Variants in SLX4IP observed in about 807,000 individuals in gnomAD.
The protein encoded by SLX4IP is SLX4 interacting protein, also known as protein SLX4IP.
In SLX4IP, 34 loss-of-function variants were observed where a neutral mutation model predicts 32.9. The observed-to-expected ratio is 1.03, with a 90% CI of 0.79 to 1.38. The LOEUF is 1.38. SLX4IP is among the 40% of genes most tolerant of loss of function. The pLI, the probability that SLX4IP is intolerant of heterozygous loss-of-function variation, is 0.00. For synonymous variants in SLX4IP, 172 were observed against 171.7 expected, an observed-to-expected ratio of 1.00 and a Z score of -0.01; for missense variants, 444 against 479.0, an observed-to-expected ratio of 0.93 and a Z score of 0.68.
In SLX4IP at chr20:10,598,506, C is replaced by T. The variant is rs769584342; in HGVS notation, c.239-169C>T. Among the ~76,000 whole-genome samples the T allele has an allele frequency of 2.6e-5, 4 of 152,350 alleles. No individual in the cohort carries two copies. The South Asian group carries it at 8.3e-4, about 32-fold the overall frequency. ...CTCGAACTCCTGACCTCAAGTGATCCGCCTGCCTCGGCCTCCCGAATTGTT... is the reference window on the plus strand; with the variant it reads ...CTCGAACTCCTGACCTCAAGTGATCTGCCTGCCTCGGCCTCCCGAATTGTT... On this transcript the variant is annotated intron_variant, in intron 4 of 7. Transcript: ENST00000334534.
chr20:10,497,743 G>A (rs1166523647), intron 2 of SLX4IP, among the ~76,000 whole-genome samples: 1 of 151,814 alleles, frequency 6.6e-6, no homozygotes, highest in Non-Finnish European at 1.5e-5. Context: ...TGACTTTGTT[G>A]GTCACTTTTC....
rs185033082 is a variant in SLX4IP, at chr20:10,520,339, T to C, written c.28-35892T>C. ...TACTGGGATTTCAGGCGTGAGCCAC[T>C]GCGCCCGGCCCTTGTGCCCATTTTT... On this transcript the variant is annotated intron_variant, in intron 2 of 7. Coordinates refer to ENST00000334534, the MANE Select transcript of SLX4IP (RefSeq NM_001009608.3). Among the ~76,000 whole-genome samples the C allele has an allele frequency of 1.4e-3, 208 of 152,332 alleles. 1 individual carries two copies. The highest frequency in any genetic ancestry group is 4.8e-3 in the African/African-American group (199 of 41,580).
chr20:10,490,420 C>T (rs2122395570), intron 2 of SLX4IP, among the ~76,000 whole-genome samples: 1 of 152,232 alleles, frequency 6.6e-6, no homozygotes, highest in East Asian at 1.9e-4. Flanking sequence ...CCTGTAACAT[C>T]TTTCTATAGT....
chr20:10,545,431 AAGAGT>A (rs1188649686), intron 2 of SLX4IP, among the ~76,000 whole-genome samples: 45 of 152,268 alleles, frequency 3.0e-4, no homozygotes, highest in Admixed American at 2.7e-3. Context: ...CCCGCTTTAA[AAGAGT>A]AAATGTGTAG....
rs1309762457 is a variant in SLX4IP, at chr20:10,622,518, G to A, written c.507-141G>A. ...TAAACATACACCTGTGGTGGGGAGTGTTTCCAGATTTGCTGGGGAAGCGAG... is the reference window on the plus strand; with the variant it reads ...TAAACATACACCTGTGGTGGGGAGTATTTCCAGATTTGCTGGGGAAGCGAG... On this transcript the variant is annotated intron_variant, in intron 7 of 7. Transcript: ENST00000334534. 6 of 1,191,542 alleles carry A rather than the reference G, an allele frequency of 5.0e-6. No homozygotes were observed. The African/African-American group carries it at 9.2e-5, about 18-fold the overall frequency. The allele number at this position is 1,191,542 out of a possible 1,614,324, so 73.8% of individuals were successfully genotyped here.
At chr20:10,586,188 CT>C (rs1362405982) in intron 4 of SLX4IP, among the ~76,000 whole-genome samples, 1 of 152,116 alleles carries the variant, frequency 6.6e-6, no homozygotes, top group East Asian at 1.9e-4. Flanking sequence ...TCCCACTTGA[CT>C]TTGTTAAAAG....
intron 2 of SLX4IP, among the ~76,000 whole-genome samples, chr20:10,512,727 G>A (rs1423142881): frequency 3.0e-5 from 3 of 99,226 alleles, no homozygotes; most frequent in Non-Finnish European, 4.1e-5. Flanking sequence ...TTTATATATA[G>A]TATATGTATT....
At chr20:10,593,659 C>T (rs771280850) in intron 4 of SLX4IP, among the ~76,000 whole-genome samples, 3 of 152,028 alleles carry the variant, frequency 2.0e-5, no homozygotes, top group African/African-American at 7.3e-5. Context: ...TCATCTGAGC[C>T]CAGGAGGTTG....
chr20:10,617,932 C>T (rs1483583099), intron 6 of SLX4IP, among the ~76,000 whole-genome samples: 1 of 152,116 alleles, frequency 6.6e-6, no homozygotes, highest in Non-Finnish European at 1.5e-5. Context: ...TGAACCACTG[C>T]GCCTGGCCCA....
At chr20:10,471,877 C>T (rs1162901408) in intron 2 of SLX4IP, among the ~76,000 whole-genome samples, 1 of 152,206 alleles carries the variant, frequency 6.6e-6, no homozygotes, top group East Asian at 1.9e-4. Context: ...CAAGGTGTCT[C>T]ATCACTCAGT....
chr20:10,545,231 C>G (rs1378978944), intron 2 of SLX4IP, among the ~76,000 whole-genome samples: 1 of 152,104 alleles, frequency 6.6e-6, no homozygotes, highest in Non-Finnish European at 1.5e-5. Flanking sequence ...GTAAGTGTGG[C>G]CAAGGGTACA....
At chr20:10,532,348 C>T (rs1468447912) in intron 2 of SLX4IP, among the ~76,000 whole-genome samples, 3 of 151,916 alleles carry the variant, frequency 2.0e-5, no homozygotes, top group African/African-American at 7.3e-5. Context: ...CATAAATATA[C>T]ACAATTATTT....
intron 1 of SLX4IP, among the ~76,000 whole-genome samples, chr20:10,439,352 G>T (rs981879805): frequency 2.6e-5 from 4 of 152,014 alleles, no homozygotes; most frequent in Admixed American, 6.6e-5. Context: ...GGGACTACAG[G>T]TGCGCACCAC....
At chr20:10,518,229 C>T (rs1386606273) in intron 2 of SLX4IP, among the ~76,000 whole-genome samples, 1 of 152,210 alleles carries the variant, frequency 6.6e-6, no homozygotes, top group Non-Finnish European at 1.5e-5. Flanking sequence ...GGAAGATATA[C>T]TTGCTAACTT....
intron 1 of SLX4IP, among the ~76,000 whole-genome samples, chr20:10,438,259 G>A: frequency 6.6e-6 from 1 of 150,834 alleles, no homozygotes. Context: ...GCTTTATTGA[G>A]GTATAACTGT....
In SLX4IP at chr20:10,622,917, A is replaced by G; in HGVS notation, c.765A>G (p.Gln255=). The stretch of plus-strand genomic sequence containing the variant: ...AGCCAGAAGACACTAGTGGCCAGCA[A>G]AAACCTCATCCTGGGGAGCGGTTAA... The part of the protein sequence containing the change: ...QTQPEDTSGQ[Q]KPHPGERLKT... The change falls in exon 8 of 8, where the codon CAA becomes CAG. Residue 255 remains glutamine (Q), a synonymous_variant. Coordinates refer to ENST00000334534, the MANE Select transcript of SLX4IP (RefSeq NM_001009608.3). 1.2e-6 allele frequency: 2 copies of G among 1,614,168 alleles called. No homozygotes were observed. The highest frequency in any genetic ancestry group is 1.7e-6 in the Non-Finnish European group (2 of 1,180,032).
Position 10,529,590 on chromosome 20 carries a change from C to CAAAAA in SLX4IP, c.28-26621_28-26617dup, listed in dbSNP as rs71334410. 1.0e-3 allele frequency among the ~76,000 whole-genome samples: 56 copies of CAAAAA among 53,574 alleles called. 3 individuals are homozygous for CAAAAA. Among genetic ancestry groups the CAAAAA allele is most frequent in the African/African-American group, 1.3e-3 (17 of 12,810 alleles). 35.1% of individuals were successfully genotyped at this position (53,574 alleles called of 152,430 possible). The stretch of plus-strand genomic sequence containing the variant: ...TGGGTGACCGTGTGAGACTCCATCT[C>CAAAAA]AAAAAAAAAAAAAAAAAAAAAAAAT... On this transcript the variant is annotated intron_variant, in intron 2 of 7. Transcript: ENST00000334534.
At chr20:10,613,753 C>G in intron 6 of SLX4IP, 1 of 1,613,696 alleles carries the variant, frequency 6.2e-7, no homozygotes, top group Admixed American at 1.7e-5. Context: ...ATCCTGGGTT[C>G]CTCTGTGTAC....
chr20:10,437,759 A>G (rs1414352041), intron 1 of SLX4IP, among the ~76,000 whole-genome samples: 2 of 152,238 alleles, frequency 1.3e-5, no homozygotes, highest in Non-Finnish European at 2.9e-5. Flanking sequence ...TGTGAGAAAG[A>G]AAAGTATTTT....
Sources: gnomAD v4.1 joint callset for allele counts (sites outside exome capture counted in the v4.1 genomes callset) on GRCh38, gnomAD v4.1.1 for gene constraint, MANE v1.5 for transcripts, NCBI Gene and HGNC (gene_info 2026-07-23, HGNC 2026-07-21) for gene names.